The following CABCOCO1 variants were observed in gnomAD, a reference collection of about 807,000 sequenced individuals.
CABCOCO1 encodes ciliary associated calcium binding coiled-coil 1.
Under a neutral mutation model 35.7 loss-of-function variants are expected in CABCOCO1, and 28 were observed. The observed-to-expected ratio is 0.78, with a 90% CI of 0.58 to 1.07. The LOEUF is 1.07. Among genes scored for constraint, CABCOCO1 ranks in the 50% least tolerant of loss-of-function variants. The pLI, the probability that CABCOCO1 is intolerant of heterozygous loss-of-function variation, is 0.00. For missense variants in CABCOCO1, 326 were observed against 309.2 expected (o/e 1.05, Z -0.41); for synonymous variants, 95 against 100.1 (o/e 0.95, Z 0.30).
At chr10:61,680,494 A>G (rs1289301543) in intron 2 of CABCOCO1, among the ~76,000 whole-genome samples, 2 of 138,084 alleles carry the variant, frequency 1.4e-5, no homozygotes, top group Admixed American at 7.5e-5. Flanking sequence ...ATAACATATT[A>G]TATGTTATAT....
intron 5 of CABCOCO1, among the ~76,000 whole-genome samples, chr10:61,726,725 C>T (rs555010851): frequency 2.6e-5 from 4 of 151,906 alleles, no homozygotes; most frequent in South Asian, 4.2e-4. Flanking sequence ...TGGATGACCT[C>T]CTTTTTACTC....
chr10:61,721,128 G>T (rs1316656713), intron 5 of CABCOCO1, among the ~76,000 whole-genome samples: 1 of 151,610 alleles, frequency 6.6e-6, no homozygotes, highest in South Asian at 2.1e-4. Flanking sequence ...GTTTCACCGT[G>T]TTAGCCAGGA....
chr10:61,710,102 C>T (rs1589134675), intron 5 of CABCOCO1, among the ~76,000 whole-genome samples: 1 of 151,890 alleles, frequency 6.6e-6, no homozygotes, highest in South Asian at 2.1e-4. Flanking sequence ...TGCCTGATTA[C>T]TAATAAAAAT....
chr10:61,691,768 T>C (rs1201684974), intron 5 of CABCOCO1, among the ~76,000 whole-genome samples: 3 of 152,132 alleles, frequency 2.0e-5, no homozygotes, highest in Non-Finnish European at 4.4e-5. Flanking sequence ...CCTGTGTTAG[T>C]TTGCTGAGAA....
intron 1 of CABCOCO1, among the ~76,000 whole-genome samples, chr10:61,664,354 T>C (rs1228396237): frequency 6.6e-6 from 1 of 152,190 alleles, no homozygotes; most frequent in African/African-American, 2.4e-5. Context: ...GTAGACCATG[T>C]CCTTTCCAAA....
chr10:61,718,965 AGC>A (rs1840933665), intron 5 of CABCOCO1, among the ~76,000 whole-genome samples: 1 of 152,210 alleles, frequency 6.6e-6, no homozygotes, highest in South Asian at 2.1e-4. Context: ...TCAAATGAAA[AGC>A]TTTCATCAAT....
At chr10:61,672,432 A>T (rs1454690179) in intron 1 of CABCOCO1, among the ~76,000 whole-genome samples, 200 bp from the exon 2 acceptor site, 2 of 152,208 alleles carry the variant, frequency 1.3e-5, no homozygotes, top group South Asian at 2.1e-4. Context: ...CAAAAGACGG[A>T]TTGACTAGCC....
chr10:61,715,845 CT>C (rs1210752198), intron 5 of CABCOCO1, among the ~76,000 whole-genome samples: 1 of 152,138 alleles, frequency 6.6e-6, no homozygotes, highest in Non-Finnish European at 1.5e-5. Flanking sequence ...GGCCCCCACT[CT>C]CTTCTGGCTT....
At position 61,706,765 on chromosome 10, in the gene CABCOCO1, G is replaced by T. The variant is rs963053289; in HGVS notation, c.552+16144G>T. Among the ~76,000 whole-genome samples, 112 of 152,154 alleles carry T rather than the reference G, an allele frequency of 7.4e-4. 1 individual carries two copies. The highest frequency in any genetic ancestry group is 7.1e-3 in the Admixed American group (109 of 15,266). On this transcript the variant is annotated intron_variant, in intron 5 of 7. Transcript: ENST00000648843. ...TGGGAGAAAGCTTGAGGCTGGGGAGGTTTCATTCCCAGCTCCCTCTCCATT... is the reference window on the plus strand; with the variant it reads ...TGGGAGAAAGCTTGAGGCTGGGGAGTTTTCATTCCCAGCTCCCTCTCCATT...
At chr10:61,706,468 G>T (rs140348794) in intron 5 of CABCOCO1, among the ~76,000 whole-genome samples, 30 of 152,050 alleles carry the variant, frequency 2.0e-4, no homozygotes, top group African/African-American at 6.5e-4. Context: ...TAATTGTTCC[G>T]CTTTCACAAA....
chr10:61,732,641 T>G (rs1473553147), intron 5 of CABCOCO1, among the ~76,000 whole-genome samples: 2 of 152,108 alleles, frequency 1.3e-5, no homozygotes, highest in Admixed American at 6.6e-5. Context: ...CCATATAATC[T>G]GTATCTATAA....
intron 5 of CABCOCO1, among the ~76,000 whole-genome samples, chr10:61,719,907 T>G (rs1840958798): frequency 8.7e-6 from 1 of 114,772 alleles, no homozygotes; most frequent in Admixed American, 1.2e-4. Flanking sequence ...GGCAGCAGAG[T>G]GAGACTCCAT....
intron 5 of CABCOCO1, among the ~76,000 whole-genome samples, chr10:61,740,620 G>A (rs939238555): frequency 6.6e-6 from 1 of 152,136 alleles, no homozygotes; most frequent in Non-Finnish European, 1.5e-5. Context: ...CAGACTTCTG[G>A]AATGTTTTAG....
intron 2 of CABCOCO1, 22 bp from the exon 3 acceptor site, chr10:61,681,121 G>A (rs908362479): frequency 2.2e-6 from 3 of 1,362,326 alleles, no homozygotes; most frequent in Non-Finnish European, 2.9e-6. Context: ...ATTAATATGT[G>A]GATTTTTGTT....
chr10:61,668,762 A>G (rs1182188661), intron 1 of CABCOCO1, among the ~76,000 whole-genome samples: 1 of 151,750 alleles, frequency 6.6e-6, no homozygotes, highest in African/African-American at 2.4e-5. Flanking sequence ...TCATAGCAAG[A>G]CTATGGTAAG....
intron 5 of CABCOCO1, among the ~76,000 whole-genome samples, chr10:61,741,873 A>G (rs2132068627): frequency 6.6e-6 from 1 of 152,306 alleles, no homozygotes; most frequent in South Asian, 2.1e-4. Context: ...TATTCTGTAT[A>G]CCCACATTTG....
intron 5 of CABCOCO1, among the ~76,000 whole-genome samples, chr10:61,707,778 A>G (rs1251077929): frequency 6.6e-6 from 1 of 152,152 alleles, no homozygotes; most frequent in Non-Finnish European, 1.5e-5. Flanking sequence ...TACACTGCTC[A>G]CTAACCTTGA....
intron 1 of CABCOCO1, among the ~76,000 whole-genome samples, chr10:61,669,020 G>GAGAAAAAAAAAAAAAAAA (rs1839275497): frequency 9.8e-6 from 1 of 102,480 alleles, no homozygotes; most frequent in Admixed American, 1.3e-4. Context: ...AAGGGTTGGG[G>GAGAAAAAAAAAAAAAAAA]AAAAAAAAAA....
chr10:61,713,496 C>G (rs1348153035), intron 5 of CABCOCO1, among the ~76,000 whole-genome samples: 1 of 152,220 alleles, frequency 6.6e-6, no homozygotes, highest in Admixed American at 6.5e-5. Context: ...ATTGAATACG[C>G]TTTATTTCTT....
Sources: allele counts gnomAD v4.1 joint callset (sites outside exome capture counted in the v4.1 genomes callset), GRCh38; gene constraint gnomAD v4.1.1; transcripts MANE v1.5; gene names NCBI Gene and HGNC (gene_info 2026-07-23, HGNC 2026-07-21).